IMMP2L: variants seen among roughly 807,000 people sequenced by gnomAD.
IMMP2L encodes mitochondrial inner membrane protease subunit 2.
A neutral mutation model predicts 19.3 loss-of-function variants in IMMP2L; 18 were observed. The ratio of observed to expected loss-of-function variants is 0.93; its 90% confidence interval spans 0.64 to 1.38. IMMP2L has a LOEUF of 1.38. IMMP2L is among the 40% of genes most tolerant of loss of function. The pLI, the probability that IMMP2L is intolerant of heterozygous loss-of-function variation, is 0.00. For missense variants in IMMP2L, 233 were observed against 218.2 expected (o/e 1.07, Z -0.43); for synonymous variants, 76 against 73.0 (o/e 1.04, Z -0.21).
chr7:111,029,116 T>C (rs146342096), intron 3 of IMMP2L, among the ~76,000 whole-genome samples: 6 of 152,312 alleles, frequency 3.9e-5, no homozygotes, highest in Non-Finnish European at 7.4e-5. Context: ...TCAGCTGTCA[T>C]GATAAAATAG....
At chr7:110,940,677 T>C (rs2129552959) in intron 4 of IMMP2L, among the ~76,000 whole-genome samples, 1 of 152,320 alleles carries the variant, frequency 6.6e-6, no homozygotes, top group Middle Eastern at 3.4e-3. Flanking sequence ...TCAGCTTTGA[T>C]GTTCTGTCAT....
In IMMP2L at chr7:110,990,356, A is replaced by G. The variant is rs116165526; in HGVS notation, c.240-26791T>C. 4.0e-3 allele frequency among the ~76,000 whole-genome samples: 610 copies of G among 152,318 alleles called. 4 individuals carry two copies. Among genetic ancestry groups the G allele is most frequent in the African/African-American group, 0.013 (558 of 41,578 alleles). ...AACTTAAATATTCTAATAGATTTAT[A>G]GGAAATCTAAATGGGCCACATTTTA... On this transcript the variant is annotated intron_variant, in intron 3 of 5. Transcript: ENST00000405709.
intron 3 of IMMP2L, among the ~76,000 whole-genome samples, chr7:111,195,268 A>T (rs1809343333): frequency 6.6e-6 from 1 of 152,184 alleles, no homozygotes; most frequent in African/African-American, 2.4e-5. Context: ...AAATCCCATT[A>T]ATATTTTTGG....
At chr7:111,122,286 T>G (rs1287466579) in intron 3 of IMMP2L, 3 of 152,576 alleles carry the variant, frequency 2.0e-5, no homozygotes, top group African/African-American at 4.8e-5. Flanking sequence ...ACTGAAGTAC[T>G]TAAACTCTAA....
intron 3 of IMMP2L, among the ~76,000 whole-genome samples, chr7:111,172,102 C>G (rs960953531): frequency 2.0e-5 from 3 of 151,340 alleles, no homozygotes; most frequent in South Asian, 2.1e-4. Context: ...TATGTATAGT[C>G]AAGACTACAT....
intron 2 of IMMP2L, among the ~76,000 whole-genome samples, chr7:111,498,853 G>A (rs1044109473): frequency 6.6e-6 from 1 of 151,946 alleles, no homozygotes; most frequent in Non-Finnish European, 1.5e-5. Flanking sequence ...TGGTACCTGG[G>A]TACCCTAAAT....
chr7:110,853,100 A>G (rs914172820), intron 5 of IMMP2L, among the ~76,000 whole-genome samples: 1 of 152,040 alleles, frequency 6.6e-6, no homozygotes, highest in African/African-American at 2.4e-5. Flanking sequence ...TAACTTGATT[A>G]CATTTGCATA....
At chr7:111,243,182 G>T (rs1354531517) in intron 3 of IMMP2L, among the ~76,000 whole-genome samples, 1 of 151,960 alleles carries the variant, frequency 6.6e-6, no homozygotes, top group Non-Finnish European at 1.5e-5. Flanking sequence ...TTGCTCACCA[G>T]CCATTCAATC....
At chr7:111,079,085 CAT>C (rs529946405) in intron 3 of IMMP2L, among the ~76,000 whole-genome samples, 49 of 151,840 alleles carry the variant, frequency 3.2e-4, no homozygotes, top group African/African-American at 8.4e-4. Context: ...AAAATCAATA[CAT>C]GTTTCATTGA....
intron 1 of IMMP2L, among the ~76,000 whole-genome samples, chr7:111,538,094 CT>C (rs996267368): frequency 3.3e-5 from 5 of 152,100 alleles, no homozygotes; most frequent in African/African-American, 7.2e-5. Flanking sequence ...TATGCTCCCC[CT>C]AGCACAGCAT....
chr7:110,889,287 C>A (rs1810541857), intron 4 of IMMP2L, among the ~76,000 whole-genome samples: 1 of 152,118 alleles, frequency 6.6e-6, no homozygotes, highest in East Asian at 1.9e-4. Context: ...TATAATGAAT[C>A]AATTATACAA....
intron 3 of IMMP2L, among the ~76,000 whole-genome samples, chr7:111,402,123 A>AAATAATAATAAT (rs59071691): frequency 1.5e-5 from 2 of 137,362 alleles, no homozygotes; most frequent in Non-Finnish European, 3.1e-5. Context: ...CCCATCTCAA[A>AAATAATAATAAT]AATAATAATA....
chr7:111,208,273 T>A (rs214457), intron 3 of IMMP2L, among the ~76,000 whole-genome samples: 59,112 of 152,058 alleles, frequency 0.39, 13,394 homozygotes, highest in Non-Finnish European at 0.51. Flanking sequence ...GAAAATTTCA[T>A]TGATACAATT....
chr7:111,448,110 G>T (rs1045622052), intron 3 of IMMP2L, among the ~76,000 whole-genome samples: 15 of 140,906 alleles, frequency 1.1e-4, no homozygotes, highest in African/African-American at 4.5e-4. Context: ...TTAATAATGG[G>T]AGACTTTAAC....
chr7:111,233,470 T>C (rs1813942534), intron 3 of IMMP2L, among the ~76,000 whole-genome samples: 1 of 151,780 alleles, frequency 6.6e-6, no homozygotes, highest in Non-Finnish European at 1.5e-5. Flanking sequence ...AAACTGACTA[T>C]ATAATAATTT....
At chr7:111,008,780 G>C (rs1824588605) in intron 3 of IMMP2L, among the ~76,000 whole-genome samples, 1 of 152,052 alleles carries the variant, frequency 6.6e-6, no homozygotes, top group African/African-American at 2.4e-5. Flanking sequence ...GAGTAGTGAG[G>C]GGGAAGTAAT....
intron 3 of IMMP2L, among the ~76,000 whole-genome samples, chr7:111,223,323 A>G (rs1812725791): frequency 6.6e-6 from 1 of 151,230 alleles, no homozygotes; most frequent in Non-Finnish European, 1.5e-5. Flanking sequence ...ATAAAACTGG[A>G]TGCTGCAAAC....
chr7:111,098,019 C>T (rs1321422113), intron 3 of IMMP2L, among the ~76,000 whole-genome samples: 1 of 151,614 alleles, frequency 6.6e-6, no homozygotes. Flanking sequence ...AAAGAAAGTG[C>T]AACAGAACAG....
At chr7:111,232,524 T>G (rs1388745187) in intron 3 of IMMP2L, among the ~76,000 whole-genome samples, 1 of 152,046 alleles carries the variant, frequency 6.6e-6, no homozygotes, top group Admixed American at 6.6e-5. Flanking sequence ...ATGGAAATTT[T>G]CAATTTTCTG....
Sources: gnomAD v4.1 joint callset for allele counts (sites outside exome capture counted in the v4.1 genomes callset) on GRCh38, gnomAD v4.1.1 for gene constraint, MANE v1.5 for transcripts, NCBI Gene and HGNC (gene_info 2026-07-23, HGNC 2026-07-21) for gene names.